The following SF3B3 variants were observed in gnomAD, a reference collection of about 807,000 sequenced individuals.
The protein encoded by SF3B3 is SAP 130.
In SF3B3, 33 loss-of-function variants were observed where a neutral mutation model predicts 139.2. That is an observed-to-expected ratio of 0.24 (90% confidence interval 0.18 to 0.32). SF3B3 has a LOEUF of 0.32. Ranked by LOEUF, SF3B3 falls within the 10% of genes least tolerant of loss-of-function variation. The pLI is 1.00. For missense variants in SF3B3, 818 were observed against 1,509.4 expected (o/e 0.54, Z 7.59); for synonymous variants, 596 against 563.6 (o/e 1.06, Z -0.81).
chr16:70,558,506 T>C (rs2050398956), intron 15 of SF3B3, among the ~76,000 whole-genome samples: 1 of 143,378 alleles, frequency 7.0e-6, no homozygotes, highest in South Asian at 2.1e-4. Context: ...CACCTTTTTT[T>C]CTCTCTTTTT....
intron 4 of SF3B3, among the ~76,000 whole-genome samples, chr16:70,531,429 A>AC (rs1425821493): frequency 2.6e-5 from 4 of 152,190 alleles, no homozygotes; most frequent in Non-Finnish European, 5.9e-5. Context: ...AGGTGCTGCC[A>AC]CAACGCCCAG....
chr16:70,545,272 T>G (rs115495578), intron 10 of SF3B3, among the ~76,000 whole-genome samples: 4,847 of 152,224 alleles, frequency 0.032, 288 homozygotes, highest in African/African-American at 0.11. Context: ...TTATCATGTT[T>G]CCCTGGCTGG....
chr16:70,565,871 C>T (rs968007242), intron 20 of SF3B3, among the ~76,000 whole-genome samples: 2 of 152,172 alleles, frequency 1.3e-5, no homozygotes, highest in African/African-American at 4.8e-5. Flanking sequence ...AATCCCAGCA[C>T]TTTGGGAGGC....
chr16:70,533,237 C>T (rs1487355188), intron 5 of SF3B3, among the ~76,000 whole-genome samples: 5 of 152,026 alleles, frequency 3.3e-5, no homozygotes, highest in Admixed American at 6.6e-5. Context: ...CGCCTATAAC[C>T]CTAGCACTTT....
At chr16:70,547,669 C>T (rs1280903568) in intron 10 of SF3B3, among the ~76,000 whole-genome samples, 1 of 152,216 alleles carries the variant, frequency 6.6e-6, no homozygotes, top group Non-Finnish European at 1.5e-5. Context: ...TCTCAGCTCA[C>T]CGCAACCTCC....
intron 5 of SF3B3, among the ~76,000 whole-genome samples, chr16:70,533,242 C>T (rs1251183734): frequency 2.0e-5 from 3 of 152,052 alleles, no homozygotes; most frequent in African/African-American, 7.2e-5. Flanking sequence ...ATAACCCTAG[C>T]ACTTTAGGAG....
chr16:70,565,023 C>T, intron 18 of SF3B3, 42 bp from the exon 19 acceptor site: 2 of 1,597,960 alleles, frequency 1.3e-6, no homozygotes, highest in Non-Finnish European at 1.7e-6. Flanking sequence ...CAGCCCCTAC[C>T]TCTGAGCACG....
rs531450230 is a variant in SF3B3 at position 70,566,605 on chromosome 16, TA to T, written c.2827-805del. Among the ~76,000 whole-genome samples the T allele has an allele frequency of 3.2e-3, 489 of 152,314 alleles. 2 individuals are homozygous for T. The highest frequency in any genetic ancestry group is 0.011 in the African/African-American group (444 of 41,564). ...AAGATGGTAAACTTTATGTTATGAC[TA>T]TTTTACCATAATTTTTAAAATAAAA... On this transcript the variant is annotated intron_variant, in intron 20 of 25. Coordinates refer to ENST00000302516, the MANE Select transcript of SF3B3 (RefSeq NM_012426.5).
intron 6 of SF3B3, among the ~76,000 whole-genome samples, chr16:70,535,706 A>G (rs1347068923): frequency 1.3e-5 from 2 of 151,914 alleles, no homozygotes; most frequent in East Asian, 3.9e-4. Flanking sequence ...GTTTGGAGAA[A>G]CCAGGCATAT....
At chr16:70,553,114 G>A (rs1270254912) in intron 11 of SF3B3, among the ~76,000 whole-genome samples, 1 of 152,120 alleles carries the variant, frequency 6.6e-6, no homozygotes, top group African/African-American at 2.4e-5. Flanking sequence ...TAGAGATGGG[G>A]TTTCACCCTG....
intron 17 of SF3B3, among the ~76,000 whole-genome samples, chr16:70,563,160 G>A (rs1430449042): frequency 6.6e-6 from 1 of 152,060 alleles, no homozygotes; most frequent in Non-Finnish European, 1.5e-5. Flanking sequence ...AACAGAGTTG[G>A]TGTTTCACCA....
At chr16:70,550,063 C>G (rs1371900101) in intron 11 of SF3B3, 1 of 151,988 alleles carries the variant, frequency 6.6e-6, no homozygotes, top group East Asian at 1.9e-4. Flanking sequence ...GCTTCTGAAT[C>G]TCAGTTGAAT....
Position 70,555,715 on chromosome 16 carries a change from G to T in SF3B3, c.1711-464G>T, listed in dbSNP as rs532501956. Among the ~76,000 whole-genome samples the T allele has an allele frequency of 5.9e-5, 9 of 152,240 alleles. No individual in the cohort carries two copies. In the South Asian group the frequency reaches 1.9e-3, roughly 32 times the overall value. ...AATCCATTTCAGAAAACTTCTATAT[G>T]GAAGGATGTTCAGTACACTTAATTC... is the stretch of plus-strand genomic sequence containing the variant. On this transcript the variant is annotated intron_variant, in intron 13 of 25. Coordinates refer to ENST00000302516, the MANE Select transcript of SF3B3 (RefSeq NM_012426.5).
intron 15 of SF3B3, among the ~76,000 whole-genome samples, chr16:70,557,268 C>CT (rs2050387683): frequency 6.6e-6 from 1 of 152,196 alleles, no homozygotes; most frequent in South Asian, 2.1e-4. Flanking sequence ...GATAGCTACT[C>CT]TAAGTCAGAA....
chr16:70,559,196 T>G (rs1380449795), intron 15 of SF3B3, among the ~76,000 whole-genome samples: 1 of 152,196 alleles, frequency 6.6e-6, no homozygotes, highest in East Asian at 1.9e-4. Context: ...GGAAAATGAT[T>G]TATTTCTTTT....
At chr16:70,550,505 CA>C (rs2050313510) in intron 11 of SF3B3, 1 of 200,818 alleles carries the variant, frequency 5.0e-6, no homozygotes, top group Non-Finnish European at 8.9e-6. Context: ...TCTGTTGGTT[CA>C]CTCACTTTCC....
intron 2 of SF3B3, among the ~76,000 whole-genome samples, chr16:70,527,774 T>G (rs903094068): frequency 2.0e-5 from 3 of 152,122 alleles, no homozygotes; most frequent in Non-Finnish European, 4.4e-5. Flanking sequence ...TTGTTTTGTT[T>G]TTGTTTTTGT....
intron 16 of SF3B3, 160 bp from the exon 17 acceptor site, chr16:70,561,470 C>G (rs1160635985): frequency 1.6e-6 from 1 of 638,006 alleles, no homozygotes; most frequent in East Asian, 2.7e-5. Flanking sequence ...CATAGTGCCT[C>G]TCTCTAGCCC....
In SF3B3 at chr16:70,572,475, T is replaced by C. The variant is rs1368739366; in HGVS notation, c.*662T>C. On this transcript the variant is annotated 3_prime_UTR_variant, in exon 26 of 26. Transcript: ENST00000302516. ...GTTTCTTTGTTTTTTCCTGGTTCTTTTTGCTGTGCTGATGAAACATGACCT... is the reference window on the plus strand; with the variant it reads ...GTTTCTTTGTTTTTTCCTGGTTCTTCTTGCTGTGCTGATGAAACATGACCT... The C allele has an allele frequency of 1.1e-5, 2 of 179,440 alleles. No individual in the cohort carries two copies. The highest frequency in any genetic ancestry group is 2.3e-5 in the Non-Finnish European group (2 of 86,154). The allele number at this position is 179,440 out of a possible 1,614,324, so 11.1% of individuals were successfully genotyped here.
Sources: gnomAD v4.1 joint callset for allele counts (sites outside exome capture counted in the v4.1 genomes callset) on GRCh38, gnomAD v4.1.1 for gene constraint, MANE v1.5 for transcripts, NCBI Gene and HGNC (gene_info 2026-07-23, HGNC 2026-07-21) for gene names.